Variants in ADGRL2 observed in about 807,000 individuals in gnomAD.
ADGRL2 encodes calcium-independent alpha-latrotoxin receptor 2.
Under a neutral mutation model 157.4 loss-of-function variants are expected in ADGRL2, and 44 were observed. The observed-to-expected ratio is 0.28, with a 90% CI of 0.22 to 0.36. The LOEUF (loss-of-function observed/expected upper bound fraction) is 0.36. Ranked by LOEUF, ADGRL2 falls within the 10% of genes least tolerant of loss-of-function variation. The pLI is 1.00. For missense variants in ADGRL2, 1,510 were observed against 1,768.9 expected, an observed-to-expected ratio of 0.85 and a Z score of 2.63; for synonymous variants, 585 against 624.7, an observed-to-expected ratio of 0.94 and a Z score of 0.95.
chr1:81,693,581 TC>T (rs926489127), intron 3 of ADGRL2, among the ~76,000 whole-genome samples: 11 of 152,196 alleles, frequency 7.2e-5, no homozygotes, highest in African/African-American at 2.7e-4. Flanking sequence ...GCCACATTTA[TC>T]CCAGGGAATG....
At chr1:81,734,532 A>G (rs1038613117) in intron 1 of ADGRL2, among the ~76,000 whole-genome samples, 1 of 146,022 alleles carries the variant, frequency 6.8e-6, no homozygotes, top group South Asian at 2.2e-4. Context: ...TCTTGCCTCC[A>G]TGACTGTGAG....
At chr1:81,344,804 A>C (rs1043099224) in intron 1 of ADGRL2, among the ~76,000 whole-genome samples, 1 of 152,182 alleles carries the variant, frequency 6.6e-6, no homozygotes, top group Admixed American at 6.5e-5. Flanking sequence ...TTTGGCAAAG[A>C]AGCAGCTCAT....
Position 81,541,797 on chromosome 1 carries a change from A to C in ADGRL2, c.-247-39079A>C, listed in dbSNP as rs556799123. 1.9e-3 allele frequency among the ~76,000 whole-genome samples: 288 copies of C among 151,554 alleles called. 2 individuals carry two copies. Among genetic ancestry groups the C allele is most frequent in the African/African-American group, 6.9e-3 (283 of 41,244 alleles). ...AAACCCCGTCTCTACTAAAAAAAAA[A>C]AAAAAACAAAATTAGCCAGGCGTGG... On this transcript the variant is annotated intron_variant, in intron 2 of 24. Coordinates refer to the ADGRL2 transcript ENST00000370721.
intron 1 of ADGRL2, among the ~76,000 whole-genome samples, chr1:81,705,771 A>T (rs547643491): frequency 6.6e-6 from 1 of 152,038 alleles, no homozygotes; most frequent in East Asian, 2.0e-4. Flanking sequence ...AAAAGGTTAG[A>T]TAAACATGGT....
chr1:81,474,847 T>A (rs545555002), intron 2 of ADGRL2, among the ~76,000 whole-genome samples: 4 of 152,216 alleles, frequency 2.6e-5, no homozygotes, highest in Non-Finnish European at 5.9e-5. Flanking sequence ...TGTTTGAGAT[T>A]GAGTTTTGAG....
chr1:81,695,753 G>T (rs577810251), upstream of ADGRL2, among the ~76,000 whole-genome samples: 63 of 151,896 alleles, frequency 4.1e-4, no homozygotes, highest in African/African-American at 1.5e-3. Context: ...GCTGGGAGGC[G>T]GAGGTTGCAG....
At chr1:81,928,728 A>G (rs969605283) in intron 3 of ADGRL2, among the ~76,000 whole-genome samples, 15 of 152,268 alleles carry the variant, frequency 9.9e-5, no homozygotes, top group Middle Eastern at 3.4e-3. Context: ...TTTAGCATAT[A>G]CAATTCACCT....
At chr1:81,801,723 C>T (rs61773935) in intron 1 of ADGRL2, among the ~76,000 whole-genome samples, 93,566 of 152,062 alleles carry the variant, frequency 0.62, 28,935 homozygotes, top group East Asian at 0.75. Context: ...CTATTCCGGC[C>T]GGGCGCTCGG....
intron 2 of ADGRL2, among the ~76,000 whole-genome samples, chr1:81,492,578 G>A (rs1207610793): frequency 6.6e-6 from 1 of 152,140 alleles, no homozygotes; most frequent in Non-Finnish European, 1.5e-5. Flanking sequence ...ACAGTACTAT[G>A]TGTTTCTAAT....
chr1:81,669,915 C>G lies in ADGRL2; in HGVS notation c.-143+88935C>G, dbSNP rs935380514. Among the ~76,000 whole-genome samples the G allele has an allele frequency of 8.8e-5, 13 of 147,586 alleles. No individual in the cohort carries two copies. In the East Asian group the frequency reaches 2.4e-3, roughly 27 times the overall value. On this transcript the variant is annotated intron_variant, in intron 3 of 24. Coordinates refer to the ADGRL2 transcript ENST00000370721. ...TCGAGATCAAGCCACTGCACTCCAG[C>G]CTGGGTGACAGAGTGAGACTACGTC...
At position 81,993,076 on chromosome 1, in the gene ADGRL2, TA is replaced by T. The variant is rs1664855525; in HGVS notation, c.*1932del. Among the ~76,000 whole-genome samples the T allele has an allele frequency of 3.5e-5, 1 of 28,274 alleles. No individual in the cohort carries two copies. The highest frequency in any genetic ancestry group is 1.6e-4 in the African/African-American group (1 of 6,134). The allele number at this position is 28,274 out of a possible 152,430, so 18.5% of individuals were successfully genotyped here. A position where few individuals can be genotyped will look rare whatever the true frequency, so the allele number is the denominator to read the frequency against. On this transcript the variant is annotated 3_prime_UTR_variant, in exon 24 of 24. Coordinates refer to ENST00000686636, the MANE Select transcript of ADGRL2 (RefSeq NM_001366006.2). Reference sequence around the variant, plus strand: ...TAATATACATATATATATATATATATATATATATATATTTTTTTTTTTTTTT... The same window carrying T: ...TAATATACATATATATATATATATATTATATATATATTTTTTTTTTTTTTT...
chr1:81,669,470 T>C (rs1243189929), intron 3 of ADGRL2, among the ~76,000 whole-genome samples: 1 of 91,052 alleles, frequency 1.1e-5, no homozygotes, highest in Non-Finnish European at 2.4e-5. Flanking sequence ...TGTGCATTCA[T>C]TGAACAAGTA....
At chr1:81,727,424 A>C (rs1422125174) in intron 1 of ADGRL2, among the ~76,000 whole-genome samples, 2 of 152,040 alleles carry the variant, frequency 1.3e-5, no homozygotes, top group Admixed American at 6.6e-5. Context: ...CCTGCTATAG[A>C]TAATCCTTTA....
At chr1:81,454,567 C>T (rs2077764905) in intron 2 of ADGRL2, among the ~76,000 whole-genome samples, 1 of 152,160 alleles carries the variant, frequency 6.6e-6, no homozygotes, top group Non-Finnish European at 1.5e-5. Flanking sequence ...AGCCTTAATG[C>T]AGTCTTAATC....
chr1:81,782,566 A>G (rs188504422), intron 2 of ADGRL2, among the ~76,000 whole-genome samples: 1 of 152,284 alleles, frequency 6.6e-6, no homozygotes, highest in East Asian at 1.9e-4. Flanking sequence ...TTCCTGCAAG[A>G]AAGGGTTAAT....
At chr1:81,396,403 G>C (rs1263901843) in intron 1 of ADGRL2, among the ~76,000 whole-genome samples, 3 of 152,104 alleles carry the variant, frequency 2.0e-5, no homozygotes, top group African/African-American at 4.8e-5. Context: ...TTTGTTAAGA[G>C]CTTTTAGGGT....
intron 1 of ADGRL2, among the ~76,000 whole-genome samples, chr1:81,351,755 G>A (rs962841348): frequency 2.0e-5 from 3 of 152,172 alleles, no homozygotes; most frequent in Non-Finnish European, 4.4e-5. Context: ...TGTCAAAAAA[G>A]CATTCCTGTT....
chr1:81,359,985 G>T (rs772875291), intron 1 of ADGRL2, among the ~76,000 whole-genome samples: 4 of 151,878 alleles, frequency 2.6e-5, no homozygotes, highest in Non-Finnish European at 4.4e-5. Context: ...ATCTATTCTC[G>T]CACAGCAGCC....
intron 1 of ADGRL2, among the ~76,000 whole-genome samples, chr1:81,810,586 C>G (rs540768919): frequency 3.3e-5 from 5 of 151,874 alleles, no homozygotes; most frequent in Non-Finnish European, 7.4e-5. Context: ...TTAGTTCTTA[C>G]AATTCCTGAC....
Sources: gnomAD v4.1 joint callset for allele counts (sites outside exome capture counted in the v4.1 genomes callset) on GRCh38, gnomAD v4.1.1 for gene constraint, MANE v1.5 for transcripts, NCBI Gene and HGNC (gene_info 2026-07-23, HGNC 2026-07-21) for gene names.